EIF5B: variants seen among roughly 807,000 people sequenced by gnomAD.
EIF5B encodes eIF-5B.
In EIF5B, 47 loss-of-function variants were observed where a neutral mutation model predicts 147.5. The ratio of observed to expected loss-of-function variants is 0.32; its 90% confidence interval spans 0.25 to 0.41. The LOEUF is 0.41. Ranked by LOEUF, EIF5B falls within the 10% of genes least tolerant of loss-of-function variation. EIF5B has a pLI of 1.00. For missense variants in EIF5B, 1,064 were observed against 1,413.2 expected (o/e 0.75, Z 3.96); for synonymous variants, 455 against 456.2 (o/e 1.00, Z 0.03).
At chr2:99,356,059 A>T (rs972789334) in intron 1 of EIF5B, among the ~76,000 whole-genome samples, 2 of 152,258 alleles carry the variant, frequency 1.3e-5, no homozygotes, top group Non-Finnish European at 2.9e-5. Context: ...ACGAATCAAT[A>T]TTATTAAGCG....
At chr2:99,353,535 TTGTG>T (rs1420520087) in intron 1 of EIF5B, among the ~76,000 whole-genome samples, 1 of 152,228 alleles carries the variant, frequency 6.6e-6, no homozygotes, top group African/African-American at 2.4e-5. Context: ...CTCTTTGTGT[TTGTG>T]TGTGTGTTTA....
At position 99,368,515 on chromosome 2, in the gene EIF5B, C is replaced by T. The variant is rs774925077; in HGVS notation, c.1311C>T (p.Asp437=). The stretch of plus-strand genomic sequence containing the variant: ...CAGGTGTTGAAGTGCCATCAAAAGA[C>T]TCTTTGCCAAAGAAGAGGCCAATTT... ...QAQGVEVPSK[D]SLPKKRPIYE... Residue 437 remains aspartate (D), a synonymous_variant, in exon 7 of 24, where the codon GAC becomes GAT. Transcript: ENST00000289371. 2.4e-5 allele frequency: 38 copies of T among 1,613,342 alleles called. No homozygotes were observed. The highest frequency in any genetic ancestry group is 1.6e-4 in the Middle Eastern group (1 of 6,078).
chr2:99,361,356 G>A lies in EIF5B; in HGVS notation c.455G>A (p.Gly152Glu), dbSNP rs1195827467. 3.1e-6 allele frequency: 5 copies of A among 1,610,964 alleles called. No individual in the cohort carries two copies. The African/African-American group carries it at 6.7e-5, about 22-fold the overall frequency. ...AACAAACTTCCTAAAAAAGCTAAAG[G>A]GAAAGCTCAAAAATCAAATAAGAAG... Reference protein sequence around the residue: ...DFNKLPKKAKGKAQKSNKKWD... With the variant: ...DFNKLPKKAKEKAQKSNKKWD... The change falls in exon 4 of 24, where the codon GGG becomes GAG. Residue 152 changes from glycine (G) to glutamate (E), a missense_variant. By Grantham distance (98) the Gly-to-Glu change is moderately conservative. Around this residue, in one of 4 missense-constraint regions of EIF5B, gnomAD observed 458 missense variants for 451.3 expected, o/e 1.01. Coordinates refer to ENST00000289371, the MANE Select transcript of EIF5B (RefSeq NM_015904.4).
rs1574939986 is a variant in EIF5B at position 99,389,757 on chromosome 2, G to C, written c.2311G>C (p.Asp771His). Reference sequence around the variant, plus strand: ...TGATTGGAAAAAGAGTCCTGACTCTGATGTGGCTGCTACTTTAAAGAAGCA... The same window carrying C: ...TGATTGGAAAAAGAGTCCTGACTCTCATGTGGCTGCTACTTTAAAGAAGCA... ...LYDWKKSPDS[D>H]VAATLKKQKK... The change falls in exon 15 of 24, where the codon GAT (aspartate) becomes CAT (histidine). Residue 771 changes from aspartate (D) to histidine (H), a missense_variant. Transcript: ENST00000289371. 2 of 1,612,996 alleles carry C rather than the reference G, an allele frequency of 1.2e-6. No individual in the cohort carries two copies. Among genetic ancestry groups the C allele is most frequent in the East Asian group, 2.2e-5 (1 of 44,844 alleles).
chr2:99,370,369 G>T (rs948695554), intron 8 of EIF5B, among the ~76,000 whole-genome samples: 8 of 152,184 alleles, frequency 5.3e-5, no homozygotes, highest in African/African-American at 1.4e-4. Context: ...TTAAAGATAG[G>T]ATCAGGAATG....
intron 12 of EIF5B, among the ~76,000 whole-genome samples, chr2:99,380,757 C>G (rs1674671741): frequency 6.6e-6 from 1 of 152,182 alleles, no homozygotes; most frequent in South Asian, 2.1e-4. Flanking sequence ...GAGTTTGTCT[C>G]TCCAGTTTTT....
chr2:99,370,522 C>T (rs954164754), intron 8 of EIF5B, among the ~76,000 whole-genome samples: 44 of 152,250 alleles, frequency 2.9e-4, no homozygotes, highest in African/African-American at 8.4e-4. Flanking sequence ...ACTGATATGA[C>T]GAGATTAGAG....
intron 6 of EIF5B, among the ~76,000 whole-genome samples, chr2:99,366,073 TGACTACTAA>T (rs1177943480): frequency 1.4e-5 from 2 of 143,688 alleles, no homozygotes; most frequent in Non-Finnish European, 3.1e-5. Flanking sequence ...CTTTAGCCTG[TGACTACTAA>T]GCATATACAC....
At chr2:99,353,772 A>G (rs562333108) in intron 1 of EIF5B, among the ~76,000 whole-genome samples, 7 of 152,320 alleles carry the variant, frequency 4.6e-5, no homozygotes, top group African/African-American at 1.4e-4. Context: ...TAATGGAATT[A>G]AGTATATATA....
At chr2:99,398,688 T>C (rs1053232541) in intron 22 of EIF5B, 60 bp from the exon 23 acceptor site, 4 of 1,530,126 alleles carry the variant, frequency 2.6e-6, no homozygotes, top group Non-Finnish European at 3.5e-6. Flanking sequence ...TATCCAGCCA[T>C]GGCGCCTGTG....
chr2:99,376,729 T>G, intron 10 of EIF5B, 93 bp downstream of exon 10: 1 of 1,461,610 alleles, frequency 6.8e-7, no homozygotes, highest in East Asian at 2.3e-5. Context: ...AACAGCACTT[T>G]ATGTATTCTC....
rs1674643492 is a variant in EIF5B at position 99,379,439 on chromosome 2, T to C, written c.2061+11T>C. On this transcript the variant is annotated intron_variant, in intron 12 of 23. Transcript: ENST00000289371. ...AAGATGATTAAAAATGTAAGTACATTGTATTTCATGTATTTTAATCTCTGA... is the reference window on the plus strand; with the variant it reads ...AAGATGATTAAAAATGTAAGTACATCGTATTTCATGTATTTTAATCTCTGA... 1.9e-6 allele frequency: 3 copies of C among 1,569,938 alleles called. No homozygotes were observed. In the African/African-American group the frequency reaches 4.1e-5, roughly 21 times the overall value.
chr2:99,392,731 TGTTA>T (rs962851928), intron 17 of EIF5B, among the ~76,000 whole-genome samples: 2 of 152,236 alleles, frequency 1.3e-5, no homozygotes, highest in Non-Finnish European at 2.9e-5. Flanking sequence ...GATACCGGTT[TGTTA>T]GTTGGTGTGT....
At chr2:99,397,087 C>T (rs1675067004) in intron 22 of EIF5B, 189 bp downstream of exon 22, 1 of 521,036 alleles carries the variant, frequency 1.9e-6, no homozygotes, top group Non-Finnish European at 3.1e-6. Flanking sequence ...AACTTTAAAA[C>T]AAGCAGAGCC....
At chr2:99,370,576 C>T (rs552420839) in intron 8 of EIF5B, among the ~76,000 whole-genome samples, 64 of 152,232 alleles carry the variant, frequency 4.2e-4, no homozygotes, top group African/African-American at 1.4e-3. Context: ...TATTTTAGAT[C>T]GTATTTTTAG....
At chr2:99,355,514 A>G (rs1674076450) in intron 1 of EIF5B, among the ~76,000 whole-genome samples, 1 of 151,712 alleles carries the variant, frequency 6.6e-6, no homozygotes, top group South Asian at 2.1e-4. Context: ...ATATTTTGTT[A>G]GATTTAAGTA....
At chr2:99,397,002 C>T in intron 22 of EIF5B, 104 bp downstream of exon 22, 2 of 1,312,610 alleles carry the variant, frequency 1.5e-6, no homozygotes, top group African/African-American at 1.5e-5. Context: ...CAGTACTGTG[C>T]TGTGTATTTA....
intron 15 of EIF5B, 111 bp from the exon 16 acceptor site, chr2:99,390,108 T>C: frequency 2.4e-6 from 3 of 1,263,422 alleles, no homozygotes; most frequent in Non-Finnish European, 3.4e-6. Flanking sequence ...TTAGTGTTTA[T>C]GAGGAGTTTC....
At chr2:99,351,991 C>T (rs1256576039) in intron 1 of EIF5B, among the ~76,000 whole-genome samples, 3 of 151,948 alleles carry the variant, frequency 2.0e-5, no homozygotes, top group African/African-American at 7.3e-5. Context: ...TGAGCCACCA[C>T]ACCCTGCCTT....
Sources: allele counts gnomAD v4.1 joint callset (sites outside exome capture counted in the v4.1 genomes callset), GRCh38; gene constraint gnomAD v4.1.1; regional missense constraint gnomAD v4.1.1; transcripts MANE v1.5; gene names NCBI Gene and HGNC (gene_info 2026-07-23, HGNC 2026-07-21).